Variants in DLC1 observed in about 807,000 individuals in gnomAD.
DLC1 encodes the protein DLC1 Rho GTPase activating protein, also known as rho GTPase-activating protein 7.
DLC1 carries 54 observed loss-of-function variants against 140.3 expected under a neutral mutation model. That is an observed-to-expected ratio of 0.38 (90% CI 0.31 to 0.48). The LOEUF is 0.48. Among genes scored for constraint, DLC1 ranks in the 20% least tolerant of loss-of-function variants. The pLI is 0.96. For missense variants in DLC1, 2,536 were observed against 1,907.0 expected, an observed-to-expected ratio of 1.33 and a Z score of -6.14; for synonymous variants, 986 against 728.1, an observed-to-expected ratio of 1.35 and a Z score of -5.70.
intron 2 of DLC1, among the ~76,000 whole-genome samples, chr8:13,442,022 T>C (rs1259147654): frequency 6.6e-6 from 1 of 152,154 alleles, no homozygotes; most frequent in Non-Finnish European, 1.5e-5. Flanking sequence ...ACCAATGGAA[T>C]AGAACAGAGC....
At chr8:13,601,174 G>C (rs12682236) in intron 1 of DLC1, among the ~76,000 whole-genome samples, 148,771 of 151,782 alleles carry the variant, frequency 0.98, 72,986 homozygotes, top group East Asian at 1. Flanking sequence ...CGGTGTCAAG[G>C]AGTTCTAATA....
intron 1 of DLC1, among the ~76,000 whole-genome samples, chr8:13,574,614 T>A (rs1804774064): frequency 6.6e-6 from 1 of 152,094 alleles, no homozygotes. Flanking sequence ...ATGATTATAA[T>A]ATATACATAA....
At chr8:13,367,406 C>T (rs990475378) in intron 4 of DLC1, among the ~76,000 whole-genome samples, 2 of 152,124 alleles carry the variant, frequency 1.3e-5, no homozygotes, top group Admixed American at 1.3e-4. Flanking sequence ...TTAGGTGCTG[C>T]CTACATGTTA....
At chr8:13,086,963 G>A (rs569615220) in intron 16 of DLC1, among the ~76,000 whole-genome samples, 1 of 152,272 alleles carries the variant, frequency 6.6e-6, no homozygotes, top group Admixed American at 6.5e-5. Flanking sequence ...TCATGCCACT[G>A]TACTCAAACT....
intron 5 of DLC1, among the ~76,000 whole-genome samples, chr8:13,263,481 C>T (rs879845868): frequency 4.6e-5 from 7 of 151,810 alleles, no homozygotes; most frequent in Non-Finnish European, 7.4e-5. Flanking sequence ...TTATTACTTA[C>T]TTGTGTTTCA....
At chr8:13,568,419 C>G (rs12543612) in intron 1 of DLC1, 10,783 of 160,186 alleles carry the variant, frequency 0.067, 590 homozygotes, top group Admixed American at 0.17. Context: ...GCATTTGGGA[C>G]ATACACATTG....
At position 13,089,757 on chromosome 8, in the gene DLC1, G is replaced by A. The variant is rs1028198881; in HGVS notation, c.4074+495C>T. On this transcript the variant is annotated intron_variant, in intron 15 of 17. Transcript: ENST00000276297. Reference sequence around the variant, plus strand: ...AGAGGCGGCATCAACATATACCTCCGATGGACCTATCCTGCTGAGCCTTAC... The same window carrying A: ...AGAGGCGGCATCAACATATACCTCCAATGGACCTATCCTGCTGAGCCTTAC... Among the ~76,000 whole-genome samples the A allele has an allele frequency of 6.6e-5, 10 of 152,310 alleles. No individual in the cohort carries two copies. In the South Asian group the frequency reaches 8.3e-4, roughly 13 times the overall value.
chr8:13,340,783 A>T (rs549644161), intron 4 of DLC1: 1 of 152,322 alleles, frequency 6.6e-6, no homozygotes, highest in East Asian at 1.9e-4. Context: ...AAATTCCCTA[A>T]TTCATCCAAC....
intron 2 of DLC1, among the ~76,000 whole-genome samples, chr8:13,483,162 GC>G (rs1322721994): frequency 6.6e-6 from 1 of 152,094 alleles, no homozygotes; most frequent in Non-Finnish European, 1.5e-5. Flanking sequence ...TTTTCACATG[GC>G]CTTGTCTGTG....
rs147324328 is a variant in DLC1 at position 13,580,758 on chromosome 8, A to G, written c.-126+23779T>C. On this transcript the variant is annotated intron_variant, in intron 1 of 1. Coordinates refer to the DLC1 transcript ENST00000631382. ...ACATTAGGCAGTATTAACTATTTTA[A>G]CTGGAGAGTAGAGGTGAAAGCCCCC... is the stretch of plus-strand genomic sequence containing the variant. 9.7e-3 allele frequency among the ~76,000 whole-genome samples: 1,484 copies of G among 152,338 alleles called. 21 individuals carry two copies. The highest frequency in any genetic ancestry group is 0.034 in the African/African-American group (1,402 of 41,566).
At chr8:13,417,287 C>G (rs1276635978) in intron 2 of DLC1, among the ~76,000 whole-genome samples, 3 of 151,760 alleles carry the variant, frequency 2.0e-5, no homozygotes, top group Non-Finnish European at 4.4e-5. Context: ...TATACATGTG[C>G]CATGCTGGTG....
chr8:13,222,239 T>C (rs1395107570), intron 5 of DLC1, among the ~76,000 whole-genome samples: 1 of 152,016 alleles, frequency 6.6e-6, no homozygotes, highest in Non-Finnish European at 1.5e-5. Context: ...CTTTTTGCTA[T>C]CATAAGTGAG....
chr8:13,334,890 G>T (rs915520949), intron 4 of DLC1, among the ~76,000 whole-genome samples: 3 of 152,172 alleles, frequency 2.0e-5, no homozygotes, highest in Admixed American at 6.5e-5. Context: ...CCTTTTAGGG[G>T]CAATAGCTCA....
At chr8:13,490,613 G>A (rs555529427) in intron 2 of DLC1, among the ~76,000 whole-genome samples, 1 of 152,266 alleles carries the variant, frequency 6.6e-6, no homozygotes, top group Non-Finnish European at 1.5e-5. Context: ...AAAACCTATG[G>A]TTGTTTGTTG....
chr8:13,261,542 G>A (rs1260422678), intron 5 of DLC1, among the ~76,000 whole-genome samples: 1 of 152,104 alleles, frequency 6.6e-6, no homozygotes, highest in Non-Finnish European at 1.5e-5. Context: ...ATGAATTACA[G>A]GAGGTGGGGC....
At chr8:13,551,318 G>A (rs867852300) in intron 1 of DLC1, among the ~76,000 whole-genome samples, 1 of 151,964 alleles carries the variant, frequency 6.6e-6, no homozygotes, top group African/African-American at 2.4e-5. Flanking sequence ...ATCTCTGGGA[G>A]TACATAAAAA....
intron 1 of DLC1, among the ~76,000 whole-genome samples, chr8:13,600,485 C>G (rs1421151778): frequency 2.0e-5 from 3 of 151,786 alleles, no homozygotes; most frequent in Non-Finnish European, 4.4e-5. Flanking sequence ...TAAAATAATG[C>G]AACGTCAAAG....
intron 4 of DLC1, among the ~76,000 whole-genome samples, chr8:13,350,511 T>C (rs1834601620): frequency 6.6e-6 from 1 of 151,742 alleles, no homozygotes. Context: ...AGGTCAGGAG[T>C]TTGAAACCAG....
At chr8:13,449,448 C>G (rs539990136) in intron 2 of DLC1, among the ~76,000 whole-genome samples, 1 of 152,248 alleles carries the variant, frequency 6.6e-6, no homozygotes, top group African/African-American at 2.4e-5. Flanking sequence ...AATTTGCAAA[C>G]TTTTATCTAT....
Sources: allele counts gnomAD v4.1 joint callset (sites outside exome capture counted in the v4.1 genomes callset), GRCh38; gene constraint gnomAD v4.1.1; transcripts MANE v1.5; gene names NCBI Gene and HGNC (gene_info 2026-07-23, HGNC 2026-07-21).